Variants in MYO3B observed in about 807,000 individuals in gnomAD.
MYO3B encodes myosin IIIB, also known as myosin-IIIb.
Under a neutral mutation model 174.6 loss-of-function variants are expected in MYO3B, and 156 were observed. The observed-to-expected ratio is 0.89, with a 90% CI of 0.78 to 1.02. The LOEUF (loss-of-function observed/expected upper bound fraction) is 1.02. Ranked by LOEUF, MYO3B falls within the 50% of genes least tolerant of loss-of-function variation. MYO3B has a pLI of 0.00. For synonymous variants in MYO3B, 563 were observed against 569.1 expected (o/e 0.99, Z 0.15); for missense variants, 1,632 against 1,639.4 (o/e 1.00, Z 0.08).
intron 32 of MYO3B, among the ~76,000 whole-genome samples, chr2:170,567,499 C>T (rs1205111646): frequency 2.6e-5 from 4 of 152,160 alleles, no homozygotes; most frequent in African/African-American, 9.7e-5. Flanking sequence ...TGTTTTTAAT[C>T]ACATAATGAA....
At chr2:170,250,096 T>C (rs1049890233) in intron 7 of MYO3B, among the ~76,000 whole-genome samples, 1 of 152,232 alleles carries the variant, frequency 6.6e-6, no homozygotes, top group Non-Finnish European at 1.5e-5. Context: ...ATATCCACTA[T>C]TATTGACGAT....
intron 25 of MYO3B, among the ~76,000 whole-genome samples, chr2:170,486,861 G>T (rs767989283): frequency 6.6e-6 from 1 of 152,194 alleles, no homozygotes; most frequent in Non-Finnish European, 1.5e-5. Flanking sequence ...TCCTTCAGAA[G>T]CTTCTAAGCA....
At chr2:170,236,319 A>G (rs1389654080) in intron 7 of MYO3B, among the ~76,000 whole-genome samples, 183 bp downstream of exon 7, 1 of 152,234 alleles carries the variant, frequency 6.6e-6, no homozygotes, top group Non-Finnish European at 1.5e-5. Flanking sequence ...CCTGAAAGAT[A>G]ACATACCCCA....
At chr2:170,294,442 G>T (rs2093615981) in intron 7 of MYO3B, among the ~76,000 whole-genome samples, 1 of 151,682 alleles carries the variant, frequency 6.6e-6, no homozygotes, top group South Asian at 2.1e-4. Context: ...AAAAATATAA[G>T]TTTCAAACAA....
At chr2:170,181,874 T>C (rs2092403651) in intron 1 of MYO3B, among the ~76,000 whole-genome samples, 1 of 152,134 alleles carries the variant, frequency 6.6e-6, no homozygotes, top group Non-Finnish European at 1.5e-5. Context: ...TGTCTCAGAG[T>C]GCTTATTTCT....
At chr2:170,519,357 T>A in intron 29 of MYO3B, 81 bp from the exon 30 acceptor site, 1 of 1,052,404 alleles carries the variant, frequency 9.5e-7, no homozygotes, top group Non-Finnish European at 1.4e-6. Flanking sequence ...AGAGAAGGGC[T>A]GCAGAGAGTG....
At chr2:170,410,592 G>GAAAAAAAAAAAAAAAA (rs59296953) in intron 22 of MYO3B, among the ~76,000 whole-genome samples, 5 of 112,526 alleles carry the variant, frequency 4.4e-5, no homozygotes, top group Non-Finnish European at 5.4e-5. Flanking sequence ...CAAAAAAAAA[G>GAAAAAAAAAAAAAAAA]AAAAAAAAAA....
chr2:170,480,029 A>ACG, intron 25 of MYO3B, among the ~76,000 whole-genome samples: 1 of 113,786 alleles, frequency 8.8e-6, no homozygotes, highest in South Asian at 2.8e-4. Context: ...ACCTATATAT[A>ACG]TGTGTGTGTG....
rs115964632 is a variant in MYO3B, at chr2:170,374,913, T to C, written c.971+5536T>C. Among the ~76,000 whole-genome samples, 1,170 of 152,268 alleles carry C rather than the reference T, an allele frequency of 7.7e-3. 11 individuals are homozygous for C. The highest frequency in any genetic ancestry group is 0.012 in the Non-Finnish European group (795 of 68,016). ...TGATTATAGTGTATGTATGACATCA[T>C]TGGAATTTAAGTTTTTCCAGTAAAT... On this transcript the variant is annotated intron_variant, in intron 9 of 34. Transcript: ENST00000408978.
intron 22 of MYO3B, among the ~76,000 whole-genome samples, chr2:170,430,396 G>GTTTTTCTT: frequency 6.8e-6 from 1 of 146,088 alleles, no homozygotes. Flanking sequence ...TTTTGAGACG[G>GTTTTTCTT]AGTCTAGCTC....
At chr2:170,500,202 G>A (rs1414969155) in intron 27 of MYO3B, among the ~76,000 whole-genome samples, 1 of 152,230 alleles carries the variant, frequency 6.6e-6, no homozygotes, top group Non-Finnish European at 1.5e-5. Context: ...CATAAAAAGT[G>A]TGAAACTCAA....
intron 31 of MYO3B, among the ~76,000 whole-genome samples, chr2:170,543,320 G>A (rs976373178): frequency 3.3e-5 from 5 of 152,094 alleles, no homozygotes; most frequent in Admixed American, 2.0e-4. Context: ...TATCCTGCTC[G>A]AATTCAATAT....
Position 170,214,409 on chromosome 2 carries a change from G to A in MYO3B, c.352G>A (p.Val118Ile). ...LCNGGSVTEL[V>I]KGLLRCGQRL... ...TAATGGGGGCTCAGTCACTGAGCTT[G>A]TCAAAGGTCTACTCAGATGTGGCCA... is the stretch of plus-strand genomic sequence containing the variant. Residue 118 changes from valine to isoleucine, a missense_variant, in exon 4 of 35, where the codon GTC becomes ATC. Val to Ile is a conservative substitution (Grantham distance 29, BLOSUM62 3). Transcript: ENST00000408978. 2 of 1,614,164 alleles carry A rather than the reference G, an allele frequency of 1.2e-6. No homozygotes were observed. Among genetic ancestry groups the A allele is most frequent in the Non-Finnish European group, 1.7e-6 (2 of 1,180,008 alleles).
chr2:170,557,018 T>C (rs913502015), intron 32 of MYO3B, among the ~76,000 whole-genome samples: 3 of 152,222 alleles, frequency 2.0e-5, no homozygotes, highest in African/African-American at 7.2e-5. Flanking sequence ...TTCCTATTCT[T>C]GAGTTTTAAG....
chr2:170,381,641 C>G (rs2105734348), intron 9 of MYO3B, among the ~76,000 whole-genome samples: 1 of 152,234 alleles, frequency 6.6e-6, no homozygotes. Context: ...AGCAAGGGGA[C>G]CTCAAGGGAA....
intron 30 of MYO3B, among the ~76,000 whole-genome samples, chr2:170,522,144 C>T (rs1436575649): frequency 2.0e-5 from 3 of 152,172 alleles, no homozygotes; most frequent in South Asian, 2.1e-4. Flanking sequence ...CCTTCTCACC[C>T]TGGATGATAC....
At chr2:170,581,544 A>G (rs1693150054) in intron 32 of MYO3B, among the ~76,000 whole-genome samples, 1 of 152,122 alleles carries the variant, frequency 6.6e-6, no homozygotes, top group African/African-American at 2.4e-5. Context: ...CAAACTTATA[A>G]AGATATTAAG....
At chr2:170,359,320 T>TGACTTGACTGAC (rs2094144621) in intron 8 of MYO3B, among the ~76,000 whole-genome samples, 2 of 152,212 alleles carry the variant, frequency 1.3e-5, no homozygotes, top group Non-Finnish European at 2.9e-5. Context: ...TGTCTTCAAG[T>TGACTTGACTGAC]TCCAGGGCTA....
chr2:170,466,452 C>T (rs1684636228), intron 24 of MYO3B, 54 bp from the exon 25 acceptor site: 2 of 1,548,028 alleles, frequency 1.3e-6, no homozygotes, highest in African/African-American at 1.4e-5. Context: ...TGTGTTGTAA[C>T]TATCCATTGT....
Sources: gnomAD v4.1 joint callset for allele counts (sites outside exome capture counted in the v4.1 genomes callset) on GRCh38, gnomAD v4.1.1 for gene constraint, MANE v1.5 for transcripts, NCBI Gene and HGNC (gene_info 2026-07-23, HGNC 2026-07-21) for gene names.